The following MRPL30 variants were observed in gnomAD, a reference collection of about 807,000 sequenced individuals.
The protein encoded by MRPL30 is large ribosomal subunit protein uL30m.
Under a neutral mutation model 17.2 loss-of-function variants are expected in MRPL30, and 10 were observed. The ratio of observed to expected loss-of-function variants is 0.58; its 90% CI spans 0.36 to 0.99. MRPL30 has a LOEUF of 0.99. Among genes scored for constraint, MRPL30 ranks in the 50% least tolerant of loss-of-function variants. The pLI, the probability that MRPL30 is intolerant of heterozygous loss-of-function variation, is 0.01. For missense variants in MRPL30, 170 were observed against 189.8 expected (o/e 0.90, Z 0.61); for synonymous variants, 61 against 62.1 (o/e 0.98, Z 0.08).
At chr2:99,184,081 G>T (rs946195991) in intron 1 of MRPL30, among the ~76,000 whole-genome samples, 5 of 31,930 alleles carry the variant, frequency 1.6e-4, no homozygotes, top group Non-Finnish European at 2.6e-4. Flanking sequence ...TATGAATTTA[G>T]GGTTATTTAT....
At chr2:99,184,049 CTT>C (rs1269763602) in intron 1 of MRPL30, among the ~76,000 whole-genome samples, 1 of 150,602 alleles carries the variant, frequency 6.6e-6, no homozygotes, top group Non-Finnish European at 1.5e-5. Flanking sequence ...TTCTCATTAA[CTT>C]ATTCACCTAT....
At position 99,198,628 on chromosome 2, in the gene MRPL30, C is replaced by G. The variant is rs148964627; in HGVS notation, c.*2923C>G. Among the ~76,000 whole-genome samples the G allele has an allele frequency of 6.5e-3, 991 of 152,286 alleles. 13 individuals carry two copies. Among genetic ancestry groups the G allele is most frequent in the African/African-American group, 0.023 (959 of 41,566 alleles). The stretch of plus-strand genomic sequence containing the variant: ...GGAGGCCTCCTTAAAGTCCCCCAGC[C>G]AAACCTGAAAAGTCAATCCTGGACC... On this transcript the variant is annotated 3_prime_UTR_variant, in exon 6 of 6. Transcript: ENST00000338148.
intron 3 of MRPL30, among the ~76,000 whole-genome samples, chr2:99,192,142 G>A (rs539538040): frequency 6.6e-6 from 1 of 152,190 alleles, no homozygotes; most frequent in African/African-American, 2.4e-5. Flanking sequence ...CTAGTCAAGT[G>A]CAGTAATGAG....
chr2:99,186,121 A>T, intron 1 of MRPL30, 56 bp from the exon 2 acceptor site: 1 of 1,215,868 alleles, frequency 8.2e-7, no homozygotes, highest in Middle Eastern at 1.9e-4. Flanking sequence ...AGAAGGGGAA[A>T]CCTGTTCATT....
At chr2:99,195,275 A>G in intron 5 of MRPL30, 86 bp downstream of exon 5, 1 of 1,357,822 alleles carries the variant, frequency 7.4e-7, no homozygotes, top group Non-Finnish European at 1.0e-6. Flanking sequence ...AATGTTCTGA[A>G]AAAAACTTTT....
chr2:99,192,605 T>G (rs2093948610), intron 3 of MRPL30, among the ~76,000 whole-genome samples: 1 of 152,236 alleles, frequency 6.6e-6, no homozygotes, highest in Non-Finnish European at 1.5e-5. Flanking sequence ...ATGGTGTATA[T>G]GTACCACATT....
At chr2:99,187,578 C>T (rs1291083511) in intron 2 of MRPL30, among the ~76,000 whole-genome samples, 3 of 152,140 alleles carry the variant, frequency 2.0e-5, no homozygotes, top group African/African-American at 7.2e-5. Flanking sequence ...GTAATCCCAG[C>T]ACGTTGGGAG....
rs1204320919 is a variant in MRPL30, at chr2:99,196,498, A to G, written c.*793A>G. ...TTAAAGTTTTTTCATAGAGACAGGGACTCACTATGTTGTCCAAGCTGGTCT... is the reference window on the plus strand; with the variant it reads ...TTAAAGTTTTTTCATAGAGACAGGGGCTCACTATGTTGTCCAAGCTGGTCT... On this transcript the variant is annotated 3_prime_UTR_variant, in exon 6 of 6. Transcript: ENST00000338148. 1 of 152,006 alleles carries G rather than the reference A, an allele frequency of 6.6e-6. No individual in the cohort carries two copies. The highest frequency in any genetic ancestry group is 1.5e-5 in the Non-Finnish European group (1 of 68,076). 9.4% of individuals were successfully genotyped at this position (152,006 alleles called of 1,614,324 possible).
At chr2:99,188,282 A>C in intron 3 of MRPL30, 25 bp downstream of exon 3, 3 of 1,544,266 alleles carry the variant, frequency 1.9e-6, no homozygotes, top group Non-Finnish European at 2.6e-6. Context: ...TGATTTTTTT[A>C]ATGTTAGTGT....
chr2:99,188,776 C>T (rs2093938777), intron 3 of MRPL30, among the ~76,000 whole-genome samples: 1 of 152,198 alleles, frequency 6.6e-6, no homozygotes, highest in Non-Finnish European at 1.5e-5. Context: ...TCTCATCTCA[C>T]TGCAACCTCC....
At chr2:99,186,556 A>T (rs901424131) in intron 2 of MRPL30, among the ~76,000 whole-genome samples, 1 of 151,900 alleles carries the variant, frequency 6.6e-6, no homozygotes, top group African/African-American at 2.4e-5. Flanking sequence ...CTGGTCTCCA[A>T]CTCCTGACCT....
chr2:99,190,093 C>T (rs2093942052), intron 3 of MRPL30, among the ~76,000 whole-genome samples: 1 of 152,002 alleles, frequency 6.6e-6, no homozygotes, highest in South Asian at 2.1e-4. Flanking sequence ...CCACTGCACT[C>T]CAGCCTGGAC....
At chr2:99,191,301 G>A (rs191470127) in intron 3 of MRPL30, among the ~76,000 whole-genome samples, 10 of 152,142 alleles carry the variant, frequency 6.6e-5, no homozygotes, top group Admixed American at 5.9e-4. Flanking sequence ...AACCACGCCT[G>A]GCCCCTGCCT....
rs763394740 is a variant in MRPL30 at position 99,188,238 on chromosome 2, G to C, written c.113G>C (p.Arg38Thr). The C allele has an allele frequency of 1.2e-6, 2 of 1,606,486 alleles. No individual in the cohort carries two copies. Among genetic ancestry groups the C allele is most frequent in the Admixed American group, 1.7e-5 (1 of 58,212 alleles). ...CTDWIRHKFT[R>T]SRIPEKVFQA... ...GATTGGATTCGTCACAAATTCACCA[G>C]ATCAAGAATTCCAGAAAAAGTAAGA... The change falls in exon 3 of 6, where the codon AGA (arginine) becomes ACA (threonine). Residue 38 changes from arginine to threonine, a missense_variant. Transcript: ENST00000338148.
At chr2:99,188,340 G>T in intron 3 of MRPL30, 83 bp downstream of exon 3, 1 of 1,022,716 alleles carries the variant, frequency 9.8e-7, no homozygotes, top group East Asian at 2.6e-5. Context: ...AATATTGGAA[G>T]ATTTTATGTT....
chr2:99,187,953 A>G (rs1346014885), intron 2 of MRPL30, among the ~76,000 whole-genome samples: 1 of 152,228 alleles, frequency 6.6e-6, no homozygotes, highest in Non-Finnish European at 1.5e-5. Flanking sequence ...GGTCCTTTAC[A>G]GAAAACGGTT....
rs932356781 is a variant in MRPL30, at chr2:99,198,873, C to T, written c.*3168C>T. ...TCAACCCAAACACTACCTTTAAGGA[C>T]GACTGCAGTTCTCTTAGGGTCTCCT... is the stretch of plus-strand genomic sequence containing the variant. On this transcript the variant is annotated 3_prime_UTR_variant, in exon 6 of 6. Coordinates refer to ENST00000338148, the MANE Select transcript of MRPL30 (RefSeq NM_145212.4). Among the ~76,000 whole-genome samples, 19 of 152,104 alleles carry T rather than the reference C, an allele frequency of 1.2e-4. No homozygotes were observed. Among genetic ancestry groups the T allele is most frequent in the Non-Finnish European group, 2.2e-4 (15 of 68,022 alleles).
chr2:99,183,093 A>G (rs2093928309), intron 1 of MRPL30, among the ~76,000 whole-genome samples: 1 of 152,216 alleles, frequency 6.6e-6, no homozygotes. Flanking sequence ...TTAGCCATGT[A>G]AATATCAGGA....
At chr2:99,195,265 A>G (rs534295821) in intron 5 of MRPL30, 76 bp downstream of exon 5, 37 of 1,392,476 alleles carry the variant, frequency 2.7e-5, no homozygotes, top group East Asian at 2.6e-4. Context: ...TTTTTTCGTT[A>G]ATGTTCTGAA....
Sources: allele counts gnomAD v4.1 joint callset (sites outside exome capture counted in the v4.1 genomes callset), GRCh38; gene constraint gnomAD v4.1.1; transcripts MANE v1.5; gene names NCBI Gene and HGNC (gene_info 2026-07-23, HGNC 2026-07-21).